Variants in CUX2 observed in about 807,000 individuals in gnomAD.
The protein encoded by CUX2 is homeobox protein cut-like 2.
CUX2 carries 40 observed loss-of-function variants against 144.8 expected under a neutral mutation model. That is an observed-to-expected ratio of 0.28 (90% CI 0.21 to 0.36). CUX2 has a LOEUF of 0.36. Ranked by LOEUF, CUX2 falls within the 10% of genes least tolerant of loss-of-function variation. The pLI, the probability that CUX2 is intolerant of heterozygous loss-of-function variation, is 1.00. For synonymous variants in CUX2, 827 were observed against 875.6 expected (o/e 0.94, Z 0.98); for missense variants, 1,615 against 1,994.0 (o/e 0.81, Z 3.62).
In CUX2 at chr12:111,291,623, C is replaced by T. The variant is rs574035627; in HGVS notation, c.436+71C>T. 3.4e-6 allele frequency: 5 copies of T among 1,455,714 alleles called. No homozygotes were observed. In the East Asian group the frequency reaches 1.0e-4, roughly 30 times the overall value. The allele number at this position is 1,455,714 out of a possible 1,614,324, so 90.2% of individuals were successfully genotyped here. A position where few individuals can be genotyped will look rare whatever the true frequency, so the allele number is the denominator to read the frequency against. ...TGCAGATCTTCAGAGCCAAACTCAG[C>T]CAGCCTTGTTGCGGGGTGGCTGGGG... On this transcript the variant is annotated intron_variant, in intron 5 of 21. Transcript: ENST00000261726.
chr12:111,211,819 G>A (rs576010894), intron 1 of CUX2, among the ~76,000 whole-genome samples: 7 of 151,794 alleles, frequency 4.6e-5, no homozygotes, highest in South Asian at 2.1e-4. Context: ...CCTGGGAGGC[G>A]GAGCTTGCAG....
At chr12:111,145,004 C>G (rs547121332) in intron 1 of CUX2, among the ~76,000 whole-genome samples, 1 of 152,160 alleles carries the variant, frequency 6.6e-6, no homozygotes, top group Admixed American at 6.5e-5. Context: ...GTGCCCTGGA[C>G]GCAGCTTGGC....
intron 3 of CUX2, among the ~76,000 whole-genome samples, chr12:111,225,954 A>T (rs558553690): frequency 6.6e-6 from 1 of 152,134 alleles, no homozygotes; most frequent in Non-Finnish European, 1.5e-5. Flanking sequence ...CCCGACATGC[A>T]CATGTGCACA....
chr12:111,325,579 G>A (rs1054077964), intron 18 of CUX2, among the ~76,000 whole-genome samples: 1 of 150,656 alleles, frequency 6.6e-6, no homozygotes, highest in South Asian at 2.1e-4. Context: ...CTACCCCAGA[G>A]CCTACCTGGG....
rs750783813 is a variant in CUX2 at position 111,263,745 on chromosome 12, CTTG to C, written c.223-11_223-9del. The C allele has an allele frequency of 4.3e-6, 7 of 1,609,344 alleles. No individual in the cohort carries two copies. Among genetic ancestry groups the C allele is most frequent in the Non-Finnish European group, 5.1e-6 (6 of 1,175,874 alleles). Reference sequence around the variant, plus strand: ...GCCATGGTTACACGTGACTCTTTCTCTTGTTGTCTCCAAAGGTGGTGGCCCTTA... The same window carrying C: ...GCCATGGTTACACGTGACTCTTTCTCTTGTCTCCAAAGGTGGTGGCCCTTA... On this transcript the variant is annotated splice_polypyrimidine_tract_variant and intron_variant, in intron 3 of 21. Transcript: ENST00000261726. This position sits in a 1 kb window ranked among gnomAD's most constrained non-coding sequence, Gnocchi z 4.0.
chr12:111,181,636 T>G (rs11832104), intron 1 of CUX2, among the ~76,000 whole-genome samples: 1 of 152,230 alleles, frequency 6.6e-6, no homozygotes, highest in Non-Finnish European at 1.5e-5. Context: ...CCAGCTCCAT[T>G]GCCAGGCAGG....
At chr12:111,199,391 A>G (rs1880436930) in intron 1 of CUX2, among the ~76,000 whole-genome samples, 1 of 152,184 alleles carries the variant, frequency 6.6e-6, no homozygotes, top group African/African-American at 2.4e-5. Flanking sequence ...TCTCTAGCTG[A>G]AATGATGCCC....
rs1881338234 is a variant in CUX2 at position 111,213,381 on chromosome 12, T to A, written c.64-819T>A. Among the ~76,000 whole-genome samples the A allele has an allele frequency of 3.9e-5, 6 of 152,226 alleles. 1 individual carries two copies. In the South Asian group the frequency reaches 1.2e-3, roughly 31 times the overall value. ...TTCAAGAGGGGTGATCAAATATACA[T>A]GCACGACCAGCAGACATTGTCTGTG... is the stretch of plus-strand genomic sequence containing the variant. On this transcript the variant is annotated intron_variant, in intron 1 of 21. Transcript: ENST00000261726.
At chr12:111,308,141 G>T in intron 12 of CUX2, 144 bp from the exon 13 acceptor site, 1 of 900,258 alleles carries the variant, frequency 1.1e-6, no homozygotes, top group Non-Finnish European at 1.8e-6. Context: ...CAGGCCTGGG[G>T]TTGCAATGAC....
rs1314474999 is a variant in CUX2 at position 111,162,081 on chromosome 12, T to C, written c.64-52119T>C. Among the ~76,000 whole-genome samples the C allele has an allele frequency of 5.9e-5, 9 of 152,344 alleles. No homozygotes were observed. The South Asian group carries it at 1.7e-3, about 28-fold the overall frequency. On this transcript the variant is annotated intron_variant, in intron 1 of 21. Transcript: ENST00000261726. ...CACTTCAGCAGGGGCGTTACTGTTA[T>C]GCCCATTTTACAGAGGGGGAAAGCT...
intron 1 of CUX2, among the ~76,000 whole-genome samples, chr12:111,169,380 G>A (rs372518489): frequency 5.7e-4 from 87 of 152,284 alleles, no homozygotes; most frequent in African/African-American, 1.9e-3. Context: ...AGACATTCCT[G>A]TTGTTTTAAA....
chr12:111,334,051 G>A (rs1373607402), intron 18 of CUX2, among the ~76,000 whole-genome samples: 3 of 150,758 alleles, frequency 2.0e-5, no homozygotes, highest in Non-Finnish European at 4.4e-5. Flanking sequence ...GCAGGGCGTA[G>A]TGGCGCATGC....
intron 1 of CUX2, among the ~76,000 whole-genome samples, chr12:111,121,116 A>T (rs1003399343): frequency 1.3e-5 from 2 of 151,584 alleles, no homozygotes; most frequent in Non-Finnish European, 2.9e-5. Flanking sequence ...AAAAAAAAAA[A>T]AAACAACCCA....
At chr12:111,252,396 G>A (rs1048545840) in intron 3 of CUX2, among the ~76,000 whole-genome samples, 1 of 152,120 alleles carries the variant, frequency 6.6e-6, no homozygotes, top group Admixed American at 6.5e-5. Context: ...CTCACCCCCA[G>A]GCTAGTTTCT....
Position 111,291,702 on chromosome 12 carries a change from A to G in CUX2, c.436+150A>G, listed in dbSNP as rs1885704479. 1.5e-5 allele frequency: 13 copies of G among 885,910 alleles called. 1 individual carries two copies. The allele number at this position is 885,910 out of a possible 1,614,324, so 54.9% of individuals were successfully genotyped here. On this transcript the variant is annotated intron_variant, in intron 5 of 21. Coordinates refer to ENST00000261726, the MANE Select transcript of CUX2 (RefSeq NM_015267.4). ...GTAACCATCTAGTTCCTGGGTATAT[A>G]TTGATCCTGGTGCTGGAAATGCAGT... is the stretch of plus-strand genomic sequence containing the variant.
rs1269434572 is a variant in CUX2, at chr12:111,178,307, T to G, written c.64-35893T>G. Among the ~76,000 whole-genome samples, 1 of 152,256 alleles carries G rather than the reference T, an allele frequency of 6.6e-6. No homozygotes were observed. The highest frequency in any genetic ancestry group is 2.4e-5 in the African/African-American group (1 of 41,472). ...TCTTGGCTGGAGTGTATGATAAATCTAATATACTGTGGCCTCTCTGTATGA... is the reference window on the plus strand; with the variant it reads ...TCTTGGCTGGAGTGTATGATAAATCGAATATACTGTGGCCTCTCTGTATGA... On this transcript the variant is annotated intron_variant, in intron 1 of 21. Transcript: ENST00000261726. This position sits in a 1 kb window ranked among gnomAD's most constrained non-coding sequence, Gnocchi z 5.7.
chr12:111,206,768 C>A (rs1880943587), intron 1 of CUX2, among the ~76,000 whole-genome samples: 1 of 152,166 alleles, frequency 6.6e-6, no homozygotes, highest in Non-Finnish European at 1.5e-5. Flanking sequence ...TGGACAAGAT[C>A]AGTTGGGTGA....
At chr12:111,203,989 C>G (rs1266815477) in intron 1 of CUX2, among the ~76,000 whole-genome samples, 1 of 152,220 alleles carries the variant, frequency 6.6e-6, no homozygotes, top group African/African-American at 2.4e-5. Flanking sequence ...GTGGCAGCCC[C>G]AGCCCAAGTG....
intron 1 of CUX2, among the ~76,000 whole-genome samples, chr12:111,211,504 G>C (rs537979956): frequency 6.6e-6 from 1 of 152,308 alleles, no homozygotes; most frequent in African/African-American, 2.4e-5. Context: ...TGGGCTGGAT[G>C]TTTTTAATGA....
Sources: gnomAD v4.1 joint callset for allele counts (sites outside exome capture counted in the v4.1 genomes callset) on GRCh38, gnomAD v4.1.1 for gene constraint, Gnocchi (gnomAD v3.1) non-coding constraint, MANE v1.5 for transcripts, NCBI Gene and HGNC (gene_info 2026-07-23, HGNC 2026-07-21) for gene names.